Variants in SAMD15 observed in about 807,000 individuals in gnomAD.
SAMD15 encodes sterile alpha motif domain containing 15, also known as sterile alpha motif domain-containing protein 15.
A neutral mutation model predicts 50.5 loss-of-function variants in SAMD15; 37 were observed. The ratio of observed to expected loss-of-function variants is 0.73; its 90% CI spans 0.56 to 0.96. SAMD15 has a LOEUF of 0.96. Among genes scored for constraint, SAMD15 ranks in the 40% least tolerant of loss-of-function variants. SAMD15 has a pLI of 0.00. For synonymous variants in SAMD15, 255 were observed against 282.8 expected (o/e 0.90, Z 0.99); for missense variants, 789 against 783.8 (o/e 1.01, Z -0.08).
rs190331174 is a variant in SAMD15, at chr14:77,389,570, G to A, written c.1789-1438G>A. Among the ~76,000 whole-genome samples, 97 of 140,498 alleles carry A rather than the reference G, an allele frequency of 6.9e-4. No individual in the cohort carries two copies. In the South Asian group the frequency reaches 0.01, roughly 15 times the overall value. 92.2% of individuals were successfully genotyped at this position (140,498 alleles called of 152,430 possible). On this transcript the variant is annotated intron_variant, in intron 2 of 2. Coordinates refer to ENST00000216471, the MANE Select transcript of SAMD15 (RefSeq NM_001010860.4). The stretch of plus-strand genomic sequence containing the variant: ...GGCGGGAGTAGAGTGGTGCGATCTC[G>A]GCTCACTGCAGCCTCCGCCTCCCAG...
Position 77,377,894 on chromosome 14 carries a change from C to T in SAMD15, c.476C>T (p.Pro159Leu). ...VFLESAMETD[P>L]DPVPPTETMS... ...CTAGAGTCAGCTATGGAAACAGATCCAGATCCAGTGCCACCAACGGAAACC... is the reference window on the plus strand; with the variant it reads ...CTAGAGTCAGCTATGGAAACAGATCTAGATCCAGTGCCACCAACGGAAACC... The change falls in exon 1 of 3, where the codon CCA becomes CTA. Residue 159 changes from proline to leucine, a missense_variant. Transcript: ENST00000216471. 1 of 1,614,048 alleles carries T rather than the reference C, an allele frequency of 6.2e-7. No individual in the cohort carries two copies. Among genetic ancestry groups the T allele is most frequent in the Non-Finnish European group, 8.5e-7 (1 of 1,179,988 alleles).
In SAMD15 at chr14:77,391,329, CT is replaced by C. The variant is rs377304119; in HGVS notation, c.*99del. On this transcript the variant is annotated 3_prime_UTR_variant, in exon 3 of 3. Transcript: ENST00000216471. ...GGTCTTTTTTGGTTTTCTTTTTCTCCTTTTTTTTTTTTTTATTTTTTTGAGA... is the reference window on the plus strand; with the variant it reads ...GGTCTTTTTTGGTTTTCTTTTTCTCCTTTTTTTTTTTTTATTTTTTTGAGA... 83,667 of 646,702 alleles carry C rather than the reference CT, an allele frequency of 0.13. 154 individuals carry two copies. Among genetic ancestry groups the C allele is most frequent in the East Asian group, 0.23 (6,873 of 30,248 alleles). The allele number at this position is 646,702 out of a possible 1,614,324, so 40.1% of individuals were successfully genotyped here.
chr14:77,378,753 AAGAGG>A lies in SAMD15; in HGVS notation c.1337_1341del (p.Arg446LysfsTer6). ...ATGAGCTAGAGCACCGTGAGCCTAA[AAGAGG>A]AAAGTTGTCACTAAGTGACAAATTT... On this transcript the variant is annotated frameshift_variant, in exon 1 of 3. Coordinates refer to ENST00000216471, the MANE Select transcript of SAMD15 (RefSeq NM_001010860.4). LOFTEE classifies it high-confidence loss of function. 4 of 1,612,192 alleles carry A rather than the reference AAGAGG, an allele frequency of 2.5e-6. No homozygotes were observed. The highest frequency in any genetic ancestry group is 3.4e-6 in the Non-Finnish European group (4 of 1,179,524).
At chr14:77,387,713 A>ATT (rs1411856018) in intron 2 of SAMD15, among the ~76,000 whole-genome samples, 1 of 152,104 alleles carries the variant, frequency 6.6e-6, no homozygotes, top group African/African-American at 2.4e-5. Flanking sequence ...ATATGAGTAG[A>ATT]TTATATATAT....
In SAMD15 at chr14:77,377,580, G is replaced by T. The variant is rs1225786084; in HGVS notation, c.162G>T (p.Glu54Asp). The T allele has an allele frequency of 1.9e-6, 3 of 1,614,158 alleles. No homozygotes were observed. The South Asian group carries it at 3.3e-5, about 18-fold the overall frequency. Residue 54 changes from glutamate to aspartate, a missense_variant, in exon 1 of 3, where the codon GAG becomes GAT. Coordinates refer to ENST00000216471, the MANE Select transcript of SAMD15 (RefSeq NM_001010860.4). ...AGCTACCAGCAGAGATTTACCAAGAGCCACAGCCAGAGACCGAGGAAGAGG... is the reference window on the plus strand; with the variant it reads ...AGCTACCAGCAGAGATTTACCAAGATCCACAGCCAGAGACCGAGGAAGAGG... ...DSKLPAEIYQ[E>D]PQPETEEEDF...
Position 77,391,041 on chromosome 14 carries a change from AT to A in SAMD15, c.1824del (p.Ile608MetfsTer22), listed in dbSNP as rs1306032215. On this transcript the variant is annotated frameshift_variant, in exon 3 of 3. Transcript: ENST00000216471. LOFTEE classifies it low-confidence loss of function (END_TRUNC). Reference sequence around the variant, plus strand: ...TCGGCATACGCAGGAGCTCCTGGAAATTGAAGAGCCATTATTCAAACGCTCC... The same window carrying A: ...TCGGCATACGCAGGAGCTCCTGGAAATGAAGAGCCATTATTCAAACGCTCC... ...ISRHTQELLE[I>X]EEPLFKRSIS... 1 of 1,613,392 alleles carries A rather than the reference AT, an allele frequency of 6.2e-7. No homozygotes were observed. Among genetic ancestry groups the A allele is most frequent in the Non-Finnish European group, 8.5e-7 (1 of 1,179,802 alleles).
intron 1 of SAMD15, 72 bp from the exon 2 acceptor site, chr14:77,380,311 C>T: frequency 1.1e-6 from 1 of 932,366 alleles, no homozygotes; most frequent in Non-Finnish European, 1.8e-6. Context: ...TCTTCCCTTC[C>T]TCCCCCTTCC....
Position 77,391,329 on chromosome 14 carries a change from C to A in SAMD15, c.*85C>A. 1.5e-6 allele frequency: 1 copy of A among 684,700 alleles called. No homozygotes were observed. Among genetic ancestry groups the A allele is most frequent in the East Asian group, 2.9e-5 (1 of 34,846 alleles). The allele number at this position is 684,700 out of a possible 1,614,324, so 42.4% of individuals were successfully genotyped here. On this transcript the variant is annotated 3_prime_UTR_variant, in exon 3 of 3. Transcript: ENST00000216471. ...GGTCTTTTTTGGTTTTCTTTTTCTC[C>A]TTTTTTTTTTTTTTATTTTTTTGAG...
chr14:77,384,601 G>C (rs1330685757), intron 2 of SAMD15, among the ~76,000 whole-genome samples: 2 of 151,784 alleles, frequency 1.3e-5, no homozygotes, highest in Non-Finnish European at 2.9e-5. Flanking sequence ...TTTTTTTAAA[G>C]CATCTCCTTA....
Position 77,378,121 on chromosome 14 carries a change from A to G in SAMD15, c.703A>G (p.Met235Val), listed in dbSNP as rs1294159387. 3.1e-6 allele frequency: 5 copies of G among 1,613,916 alleles called. No homozygotes were observed. In the African/African-American group the frequency reaches 4.0e-5, roughly 13 times the overall value. Residue 235 changes from methionine (M) to valine (V), a missense_variant, in exon 1 of 3, where the codon ATG (methionine) becomes GTG (valine). Met to Val is a conservative substitution (Grantham distance 21). Transcript: ENST00000216471. ...AGAGACAGATCTTCAGCCACCAAAG[A>G]TGACCAAACCAGAGACTCCAGAGGA... ...LEETDLQPPKMTKPETPEETQ... is the reference protein window; with the variant it reads ...LEETDLQPPKVTKPETPEETQ...
intron 2 of SAMD15, among the ~76,000 whole-genome samples, chr14:77,383,499 C>T (rs17105743): frequency 0.051 from 7,800 of 152,218 alleles, 658 homozygotes; most frequent in African/African-American, 0.18. Flanking sequence ...GAGTAAATGA[C>T]GAATCCAGTG....
At position 77,377,814 on chromosome 14, in the gene SAMD15, G is replaced by A. The variant is rs1566699072; in HGVS notation, c.396G>A (p.Glu132=). ...LEAPMDETHK[E]SDLEPPEEAK... ...CCCCTATGGATGAAACGCATAAAGA[G>A]TCAGACCTAGAGCCACCAGAGGAGG... The change falls in exon 1 of 3, where the codon GAG becomes GAA. Residue 132 remains glutamate, a synonymous_variant. Coordinates refer to ENST00000216471, the MANE Select transcript of SAMD15 (RefSeq NM_001010860.4). 3 of 1,614,158 alleles carry A rather than the reference G, an allele frequency of 1.9e-6. No homozygotes were observed. The highest frequency in any genetic ancestry group is 2.5e-6 in the Non-Finnish European group (3 of 1,180,034).
Position 77,377,853 on chromosome 14 carries a change from T to TA in SAMD15, c.436dup (p.Thr146AsnfsTer25). The TA allele has an allele frequency of 6.2e-7, 1 of 1,614,006 alleles. No homozygotes were observed. The highest frequency in any genetic ancestry group is 8.5e-7 in the Non-Finnish European group (1 of 1,179,974). On this transcript the variant is annotated frameshift_variant, in exon 1 of 3. Coordinates refer to ENST00000216471, the MANE Select transcript of SAMD15 (RefSeq NM_001010860.4). LOFTEE classifies it high-confidence loss of function. ...CACCAGAGGAGGCTAAACCAAATGT[T>TA]ACAGAGGATGTGTTCCTAGAGTCAG...
rs377366090 is a variant in SAMD15 at position 77,384,016 on chromosome 14, C to G, written c.1788+3535C>G. Among the ~76,000 whole-genome samples the G allele has an allele frequency of 4.0e-4, 59 of 146,616 alleles. No individual in the cohort carries two copies. The South Asian group carries it at 0.012, about 30-fold the overall frequency. On this transcript the variant is annotated intron_variant, in intron 2 of 2. Transcript: ENST00000216471. Reference sequence around the variant, plus strand: ...AAAAAAAAAAAAACCTGATTATGCTCTAAGACACAGGGTAACTTCTAGGAG... The same window carrying G: ...AAAAAAAAAAAAACCTGATTATGCTGTAAGACACAGGGTAACTTCTAGGAG...
chr14:77,378,795 T>A lies in SAMD15; in HGVS notation c.1377T>A (p.Tyr459Ter). The A allele has an allele frequency of 1.2e-6, 2 of 1,612,734 alleles. No homozygotes were observed. The highest frequency in any genetic ancestry group is 2.2e-5 in the South Asian group (2 of 90,684). ...LSLSDKFRKE[Y>*]YALGSLRESE... Reference sequence around the variant, plus strand: ...TAAGTGACAAATTTAGAAAAGAATATTACGCATTAGGATCTCTCAGAGAAA... The same window carrying A: ...TAAGTGACAAATTTAGAAAAGAATAATACGCATTAGGATCTCTCAGAGAAA... Residue 459 changes from tyrosine to a stop codon, truncating the protein, a stop_gained, in exon 1 of 3, where the codon TAT (tyrosine) becomes TAA (stop). Coordinates refer to ENST00000216471, the MANE Select transcript of SAMD15 (RefSeq NM_001010860.4). LOFTEE classifies it high-confidence loss of function.
At chr14:77,386,905 A>G (rs1179826247) in intron 2 of SAMD15, among the ~76,000 whole-genome samples, 1 of 152,198 alleles carries the variant, frequency 6.6e-6, no homozygotes, top group Non-Finnish European at 1.5e-5. Context: ...TGTCTTCTTG[A>G]AAACCACAGG....
rs891074017 is a variant in SAMD15, at chr14:77,391,670, T to C, written c.*426T>C. 5.3e-5 allele frequency among the ~76,000 whole-genome samples: 8 copies of C among 152,184 alleles called. No homozygotes were observed. The East Asian group carries it at 1.5e-3, about 29-fold the overall frequency. On this transcript the variant is annotated 3_prime_UTR_variant, in exon 3 of 3. Transcript: ENST00000216471. ...GAACTGCTGGCTTCATTCCTAGTTGTGTCTCTGACTTATGGTACCCTCCCT... is the reference window on the plus strand; with the variant it reads ...GAACTGCTGGCTTCATTCCTAGTTGCGTCTCTGACTTATGGTACCCTCCCT...
chr14:77,377,698 G>C lies in SAMD15; in HGVS notation c.280G>C (p.Asp94His). 2 of 1,614,182 alleles carry C rather than the reference G, an allele frequency of 1.2e-6. No homozygotes were observed. The highest frequency in any genetic ancestry group is 1.7e-6 in the Non-Finnish European group (2 of 1,180,036). The change falls in exon 1 of 3, where the codon GAC becomes CAC. Residue 94 changes from aspartate (D) to histidine (H), a missense_variant. Transcript: ENST00000216471. ...QEGIAKESKR[D>H]VPSETEPGIH... ...AGGAATTGCCAAGGAGTCCAAGAGA[G>C]ACGTACCAAGCGAAACTGAACCAGG...
intron 2 of SAMD15, among the ~76,000 whole-genome samples, chr14:77,389,792 C>T (rs1894050331): frequency 6.6e-6 from 1 of 152,034 alleles, no homozygotes; most frequent in African/African-American, 2.4e-5. Context: ...GCGTGAGCCA[C>T]GGCCTGGCCA....
Sources: gnomAD v4.1 joint callset for allele counts (sites outside exome capture counted in the v4.1 genomes callset) on GRCh38, gnomAD v4.1.1 for gene constraint, MANE v1.5 for transcripts, NCBI Gene and HGNC (gene_info 2026-07-23, HGNC 2026-07-21) for gene names.